TCF7L1: variants seen among roughly 807,000 people sequenced by gnomAD.
TCF7L1 encodes transcription factor 7-like 1.
Under a neutral mutation model 63.7 loss-of-function variants are expected in TCF7L1, and 18 were observed. The observed-to-expected ratio is 0.28, with a 90% CI of 0.20 to 0.42. The LOEUF is 0.42. TCF7L1 is among the 10% of genes least tolerant of loss of function. The pLI, the probability that TCF7L1 is intolerant of heterozygous loss-of-function variation, is 1.00. For synonymous variants in TCF7L1, 355 were observed against 340.9 expected (o/e 1.04, Z -0.46); for missense variants, 654 against 779.3 (o/e 0.84, Z 1.91).
Position 85,309,627 on chromosome 2 carries a change from T to C in TCF7L1, c.*165T>C. The C allele has an allele frequency of 1.8e-6, 1 of 565,478 alleles. No individual in the cohort carries two copies. The highest frequency in any genetic ancestry group is 2.8e-6 in the Non-Finnish European group (1 of 356,776). 35.0% of individuals were successfully genotyped at this position (565,478 alleles called of 1,614,324 possible). A position where few individuals can be genotyped will look rare whatever the true frequency, so the allele number is the denominator to read the frequency against. ...ACAGTTTGTAGATGTAACCAGTAGCTGATCTTAAGGCTTTTTTAAAAAACA... is the reference window on the plus strand; with the variant it reads ...ACAGTTTGTAGATGTAACCAGTAGCCGATCTTAAGGCTTTTTTAAAAAACA... On this transcript the variant is annotated 3_prime_UTR_variant, in exon 12 of 12. Coordinates refer to ENST00000282111, the MANE Select transcript of TCF7L1 (RefSeq NM_031283.3).
At chr2:85,241,419 TG>T (rs1680322182) in intron 3 of TCF7L1, among the ~76,000 whole-genome samples, 1 of 148,258 alleles carries the variant, frequency 6.7e-6, no homozygotes, top group Non-Finnish European at 1.5e-5. Context: ...TCCAGAGGAC[TG>T]GATGCACTTT....
chr2:85,197,780 T>A (rs1178961968), intron 3 of TCF7L1, among the ~76,000 whole-genome samples: 3 of 152,242 alleles, frequency 2.0e-5, no homozygotes, highest in African/African-American at 7.2e-5. Flanking sequence ...TGAAAATGTT[T>A]CCTCTGCTGA....
intron 3 of TCF7L1, among the ~76,000 whole-genome samples, chr2:85,138,031 A>G (rs1384895090): frequency 1.3e-5 from 2 of 152,178 alleles, no homozygotes; most frequent in Non-Finnish European, 2.9e-5. Context: ...TGTGATAGAA[A>G]GTAATTTGAC....
At chr2:85,303,451 C>T (rs2104388105) in intron 5 of TCF7L1, 1 of 155,054 alleles carries the variant, frequency 6.4e-6, no homozygotes, top group East Asian at 1.9e-4. Context: ...TTTGGAGCCC[C>T]TCTTTGGAGA....
intron 3 of TCF7L1, among the ~76,000 whole-genome samples, chr2:85,158,714 T>C (rs1204560511): frequency 6.6e-6 from 1 of 152,258 alleles, no homozygotes; most frequent in East Asian, 1.9e-4. Context: ...TAAGAAAATG[T>C]GATTATGCCT....
intron 5 of TCF7L1, 150 bp downstream of exon 5, chr2:85,302,766 C>A: frequency 9.3e-7 from 1 of 1,076,862 alleles, no homozygotes; most frequent in Non-Finnish European, 1.3e-6. Flanking sequence ...TAACTTTAGC[C>A]TTGTCATTTT....
chr2:85,133,622 G>C lies in TCF7L1; in HGVS notation c.-63G>C. On this transcript the variant is annotated 5_prime_UTR_variant, in exon 1 of 12. Coordinates refer to ENST00000282111, the MANE Select transcript of TCF7L1 (RefSeq NM_031283.3). The surrounding 1 kb of genome is among the most constrained non-coding windows in gnomAD (Gnocchi z 4.4). ...AGCGGGCGGGAGGGGCGCCGGGCCG[G>C]GCCGGGCAGGGCGCGGGCGGCTAGG... The C allele has an allele frequency of 4.6e-6, 3 of 656,812 alleles. No individual in the cohort carries two copies. Among genetic ancestry groups the C allele is most frequent in the Non-Finnish European group, 5.6e-6 (3 of 531,698 alleles). The allele number at this position is 656,812 out of a possible 1,614,324, so 40.7% of individuals were successfully genotyped here. A position where few individuals can be genotyped will look rare whatever the true frequency, so the allele number is the denominator to read the frequency against.
At chr2:85,279,580 A>G (rs959920987) in intron 3 of TCF7L1, among the ~76,000 whole-genome samples, 2 of 152,124 alleles carry the variant, frequency 1.3e-5, no homozygotes, top group Admixed American at 1.3e-4. Flanking sequence ...GGGAAGTTCA[A>G]CTGTCCTTTC....
At chr2:85,267,376 A>G (rs559115371) in intron 3 of TCF7L1, among the ~76,000 whole-genome samples, 8 of 131,360 alleles carry the variant, frequency 6.1e-5, no homozygotes, top group Non-Finnish European at 1.1e-4. Flanking sequence ...GGGGCTGGGC[A>G]TGGTGGCTCA....
At chr2:85,155,265 C>T (rs1465359159) in intron 3 of TCF7L1, among the ~76,000 whole-genome samples, 1 of 152,064 alleles carries the variant, frequency 6.6e-6, no homozygotes, top group Non-Finnish European at 1.5e-5. Context: ...AATCAGCACT[C>T]TGTAAAATGG....
rs1222140091 is a variant in TCF7L1 at position 85,133,754 on chromosome 2, G to C, written c.70G>C (p.Gly24Arg). The C allele has an allele frequency of 8.1e-7, 1 of 1,237,478 alleles. No homozygotes were observed. Among genetic ancestry groups the C allele is most frequent in the Non-Finnish European group, 1.0e-6 (1 of 990,438 alleles). 76.7% of individuals were successfully genotyped at this position (1,237,478 alleles called of 1,614,324 possible). Residue 24 changes from glycine to arginine, a missense_variant, in exon 1 of 12, where the codon GGG (glycine) becomes CGG (arginine). Physicochemically the swap from Gly to Arg is moderately radical, Grantham distance 125 (BLOSUM62 -2). Coordinates refer to ENST00000282111, the MANE Select transcript of TCF7L1 (RefSeq NM_031283.3). This position sits in a 1 kb window ranked among gnomAD's most constrained non-coding sequence, Gnocchi z 4.4. Reference protein sequence around the residue: ...GSGGGGGSSAGAAGGGDDLGA... With the variant: ...GSGGGGGSSARAAGGGDDLGA... Reference sequence around the variant, plus strand: ...CGGGGGAGGCGGCGGCTCCAGCGCCGGGGCGGCCGGCGGAGGGGACGACCT... The same window carrying C: ...CGGGGGAGGCGGCGGCTCCAGCGCCCGGGCGGCCGGCGGAGGGGACGACCT...
At chr2:85,260,516 A>G (rs1434500529) in intron 3 of TCF7L1, among the ~76,000 whole-genome samples, 2 of 151,972 alleles carry the variant, frequency 1.3e-5, no homozygotes, top group Middle Eastern at 3.4e-3. Context: ...TGGTGCGTGC[A>G]TGTAGTCCCA....
At chr2:85,158,984 G>T (rs1678218541) in intron 3 of TCF7L1, among the ~76,000 whole-genome samples, 1 of 152,190 alleles carries the variant, frequency 6.6e-6, no homozygotes, top group Non-Finnish European at 1.5e-5. Context: ...GTTACAAATT[G>T]TCTTAACCCC....
At chr2:85,277,129 G>A (rs977735350) in intron 3 of TCF7L1, among the ~76,000 whole-genome samples, 2 of 151,910 alleles carry the variant, frequency 1.3e-5, no homozygotes, top group Non-Finnish European at 2.9e-5. Context: ...GAGTTTGGGG[G>A]CTTTATCTCT....
chr2:85,211,716 T>C (rs906883215), intron 3 of TCF7L1, among the ~76,000 whole-genome samples: 1 of 152,220 alleles, frequency 6.6e-6, no homozygotes, highest in Non-Finnish European at 1.5e-5. Context: ...GCATGACCTA[T>C]GCCCGTGGGC....
At chr2:85,198,299 T>C (rs1679201206) in intron 3 of TCF7L1, among the ~76,000 whole-genome samples, 1 of 152,182 alleles carries the variant, frequency 6.6e-6, no homozygotes, top group Non-Finnish European at 1.5e-5. Context: ...GGGAACTACA[T>C]AGAAAATCAT....
intron 3 of TCF7L1, among the ~76,000 whole-genome samples, chr2:85,235,195 GAGAA>G (rs933215439): frequency 1.3e-5 from 2 of 152,132 alleles, no homozygotes; most frequent in African/African-American, 4.8e-5. Flanking sequence ...CTCTTGGGTG[GAGAA>G]AGAAAGCAAG....
At chr2:85,249,586 C>A (rs930286356) in intron 3 of TCF7L1, among the ~76,000 whole-genome samples, 3 of 152,244 alleles carry the variant, frequency 2.0e-5, no homozygotes, top group Non-Finnish European at 4.4e-5. Flanking sequence ...TTGCCACTCA[C>A]CTGCTTTTCT....
intron 4 of TCF7L1, among the ~76,000 whole-genome samples, chr2:85,296,412 T>A (rs896440986): frequency 6.6e-6 from 1 of 152,226 alleles, no homozygotes; most frequent in East Asian, 1.9e-4. Flanking sequence ...TAAAGTTGCA[T>A]CCTCGTTACC....
Sources: gnomAD v4.1 joint callset for allele counts (sites outside exome capture counted in the v4.1 genomes callset) on GRCh38, gnomAD v4.1.1 for gene constraint, Gnocchi (gnomAD v3.1) non-coding constraint, MANE v1.5 for transcripts, NCBI Gene and HGNC (gene_info 2026-07-23, HGNC 2026-07-21) for gene names.